Variants in TENM3 observed in about 807,000 individuals in gnomAD.
The protein encoded by TENM3 is teneurin transmembrane protein 3.
Under a neutral mutation model 255.1 loss-of-function variants are expected in TENM3, and 63 were observed. The observed-to-expected ratio is 0.25, with a 90% confidence interval of 0.20 to 0.30. TENM3 has a LOEUF of 0.30. Ranked by LOEUF, TENM3 falls within the 10% of genes least tolerant of loss-of-function variation. The probability of loss-of-function intolerance (pLI) is 1.00; values close to 1 mark genes in which losing one functional copy is unlikely to be tolerated. For synonymous variants in TENM3, 1,306 were observed against 1,322.3 expected (o/e 0.99, Z 0.27); for missense variants, 2,929 against 3,461.1 (o/e 0.85, Z 3.86).
chr4:181,839,013 G>C, the TENM3 span, among the ~76,000 whole-genome samples: 2 of 151,368 alleles, frequency 1.3e-5, no homozygotes, highest in African/African-American at 4.8e-5. Context: ...TTTCCTCTAA[G>C]TATTTTTCAA....
the TENM3 span, among the ~76,000 whole-genome samples, chr4:181,640,148 G>A: frequency 2.0e-5 from 3 of 152,072 alleles, no homozygotes; most frequent in Non-Finnish European, 4.4e-5. Context: ...TGAGTTCTGT[G>A]GACCAACAGC....
At chr4:182,267,404 G>A (rs1759310906) in intron 1 of TENM3, among the ~76,000 whole-genome samples, 2 of 152,218 alleles carry the variant, frequency 1.3e-5, no homozygotes, top group East Asian at 3.9e-4. Flanking sequence ...ATTTTGCCAA[G>A]GCTTTGACTG....
At position 182,680,357 on chromosome 4, in the gene TENM3, A is replaced by C. The variant is rs1207995684; in HGVS notation, c.1639+8A>C. 1.3e-6 allele frequency: 2 copies of C among 1,586,814 alleles called. No individual in the cohort carries two copies. The highest frequency in any genetic ancestry group is 1.3e-5 in the African/African-American group (1 of 74,264). On this transcript the variant is annotated splice_region_variant and intron_variant, in intron 9 of 27. Coordinates refer to ENST00000511685, the MANE Select transcript of TENM3 (RefSeq NM_001080477.4). The stretch of plus-strand genomic sequence containing the variant: ...GTCCGGATTGTTCAAGAGGTATGCA[A>C]GTTAGATTCTTCTCTTAAGCCGATA...
At chr4:182,720,492 G>A (rs1367733929) in intron 13 of TENM3, among the ~76,000 whole-genome samples, 3 of 152,210 alleles carry the variant, frequency 2.0e-5, no homozygotes, top group Admixed American at 6.5e-5. Flanking sequence ...GGTTTGGGGG[G>A]AAATTACTAT....
the TENM3 span, among the ~76,000 whole-genome samples, chr4:181,719,179 G>T: frequency 6.6e-6 from 1 of 150,966 alleles, no homozygotes; most frequent in Non-Finnish European, 1.5e-5. Context: ...GCAGTCCGCA[G>T]TCCGGCCTGG....
intron 14 of TENM3, among the ~76,000 whole-genome samples, chr4:182,729,744 G>T (rs1760536668): frequency 6.6e-6 from 1 of 152,204 alleles, no homozygotes; most frequent in East Asian, 1.9e-4. Context: ...CATTAATGCA[G>T]TTATAGCCAG....
At chr4:182,463,125 G>GGA (rs1732215747) in intron 3 of TENM3, among the ~76,000 whole-genome samples, 1 of 152,112 alleles carries the variant, frequency 6.6e-6, no homozygotes, top group Non-Finnish European at 1.5e-5. Flanking sequence ...GCTGGTTCAA[G>GGA]CCTGTGTTGT....
At chr4:181,889,905 A>G in the TENM3 span, among the ~76,000 whole-genome samples, 1 of 152,202 alleles carries the variant, frequency 6.6e-6, no homozygotes, top group Admixed American at 6.5e-5. Context: ...GAATTCCACT[A>G]GCTCTTAATG....
chr4:182,552,572 AG>A (rs1742161167), intron 3 of TENM3, among the ~76,000 whole-genome samples: 1 of 152,256 alleles, frequency 6.6e-6, no homozygotes, highest in Non-Finnish European at 1.5e-5. Flanking sequence ...TTAAAGGATT[AG>A]AAAATGAGAC....
intron 6 of TENM3, among the ~76,000 whole-genome samples, chr4:182,660,200 C>T (rs1274017318): frequency 1.3e-5 from 2 of 152,198 alleles, no homozygotes; most frequent in Non-Finnish European, 2.9e-5. Flanking sequence ...TCTGTTCTTT[C>T]ACTGCTGTAT....
chr4:181,911,567 G>T, the TENM3 span, among the ~76,000 whole-genome samples: 1 of 152,130 alleles, frequency 6.6e-6, no homozygotes. Context: ...GGACTCTAAG[G>T]GGAGCTCATA....
chr4:181,640,388 T>C, the TENM3 span, among the ~76,000 whole-genome samples: 2 of 152,190 alleles, frequency 1.3e-5, no homozygotes, highest in Non-Finnish European at 2.9e-5. Flanking sequence ...AAATTTAGTT[T>C]CTTCCAGGTT....
At chr4:182,243,950 T>C (rs867935199) in intron 1 of TENM3, among the ~76,000 whole-genome samples, 92 of 133,312 alleles carry the variant, frequency 6.9e-4, no homozygotes, top group Middle Eastern at 7.3e-3. Flanking sequence ...TGTTTTCTTT[T>C]TTTTTTTTTT....
At chr4:181,546,993 A>T in the TENM3 span, among the ~76,000 whole-genome samples, 1 of 152,102 alleles carries the variant, frequency 6.6e-6, no homozygotes, top group Non-Finnish European at 1.5e-5. Context: ...CAAAACCTTA[A>T]TCATCTGCCA....
intron 1 of TENM3, among the ~76,000 whole-genome samples, chr4:182,220,990 C>T (rs955741918): frequency 2.0e-5 from 3 of 152,116 alleles, no homozygotes; most frequent in African/African-American, 7.2e-5. Context: ...TTTACCCCTT[C>T]GCTTAATCAG....
chr4:182,653,674 T>C, intron 5 of TENM3, 97 bp from the exon 6 acceptor site: 1 of 1,344,560 alleles, frequency 7.4e-7, no homozygotes, highest in African/African-American at 1.5e-5. Flanking sequence ...ATGGAAATTG[T>C]AACTTTACAT....
At chr4:182,603,716 C>T (rs1358899193) in intron 4 of TENM3, among the ~76,000 whole-genome samples, 2 of 143,292 alleles carry the variant, frequency 1.4e-5, no homozygotes, top group Non-Finnish European at 3.1e-5. Flanking sequence ...CTTGTGTCTG[C>T]CTTTAACTAT....
At chr4:181,463,726 C>G in the TENM3 span, among the ~76,000 whole-genome samples, 1 of 152,078 alleles carries the variant, frequency 6.6e-6, no homozygotes, top group South Asian at 2.1e-4. Flanking sequence ...CAGGGCTGTG[C>G]AACCATCATC....
intron 1 of TENM3, among the ~76,000 whole-genome samples, chr4:182,161,888 CATATATGTGT>C (rs1751343131): frequency 3.9e-5 from 2 of 51,650 alleles, no homozygotes; most frequent in African/African-American, 1.4e-4. Flanking sequence ...TATATACACA[CATATATGTGT>C]ATATATACAC....
Sources: allele counts gnomAD v4.1 joint callset (sites outside exome capture counted in the v4.1 genomes callset), GRCh38; gene constraint gnomAD v4.1.1; transcripts MANE v1.5; gene names NCBI Gene and HGNC (gene_info 2026-07-23, HGNC 2026-07-21).